The following CNTN3 variants were observed in gnomAD, a reference collection of about 807,000 sequenced individuals.
CNTN3 encodes the protein contactin 3.
In CNTN3, 60 loss-of-function variants were observed where a neutral mutation model predicts 119.1. The observed-to-expected ratio is 0.50, with a 90% confidence interval of 0.41 to 0.62. The LOEUF is 0.62. Ranked by LOEUF, CNTN3 falls within the 20% of genes least tolerant of loss-of-function variation. CNTN3 has a pLI of 0.00. For synonymous variants in CNTN3, 450 were observed against 438.7 expected, an observed-to-expected ratio of 1.03 and a Z score of -0.32; for missense variants, 1,101 against 1,242.4, an observed-to-expected ratio of 0.89 and a Z score of 1.71.
At chr3:74,562,483 T>C (rs774423851) in intron 1 of CNTN3, among the ~76,000 whole-genome samples, 43 of 152,312 alleles carry the variant, frequency 2.8e-4, no homozygotes, top group Non-Finnish European at 5.7e-4. Context: ...CAGAAAATGA[T>C]TATTGAAAAT....
chr3:74,375,453 C>A (rs1326163124), intron 5 of CNTN3, among the ~76,000 whole-genome samples: 1 of 152,026 alleles, frequency 6.6e-6, no homozygotes, highest in African/African-American at 2.4e-5. Flanking sequence ...TGCCTGAAAC[C>A]TGAAAATATG....
chr3:74,280,275 C>A (rs1559678125), intron 20 of CNTN3, among the ~76,000 whole-genome samples: 1 of 152,166 alleles, frequency 6.6e-6, no homozygotes, highest in Non-Finnish European at 1.5e-5. Flanking sequence ...TTTAGAAAAG[C>A]AAAGACTCAA....
intron 5 of CNTN3, among the ~76,000 whole-genome samples, chr3:74,416,987 TAA>T (rs71616861): frequency 1.5e-5 from 2 of 129,748 alleles, no homozygotes; most frequent in African/African-American, 3.0e-5. Flanking sequence ...CATTCTAAAA[TAA>T]AAAAAAAAAA....
At chr3:74,611,361 A>C (rs1372326063) in intron 1 of CNTN3, among the ~76,000 whole-genome samples, 1 of 152,180 alleles carries the variant, frequency 6.6e-6, no homozygotes, top group Non-Finnish European at 1.5e-5. Context: ...TAACATGTAC[A>C]TAAAAGGGGG....
At chr3:74,329,190 A>C (rs1703202086) in intron 13 of CNTN3, among the ~76,000 whole-genome samples, 1 of 152,182 alleles carries the variant, frequency 6.6e-6, no homozygotes, top group South Asian at 2.1e-4. Flanking sequence ...TGAGAGCTGA[A>C]AAATACATCA....
chr3:74,441,685 A>G (rs7430784), intron 4 of CNTN3, among the ~76,000 whole-genome samples: 68,672 of 152,000 alleles, frequency 0.45, 15,590 homozygotes, highest in East Asian at 0.57. Context: ...ACAAATCTAA[A>G]CATATGTCTG....
intron 4 of CNTN3, among the ~76,000 whole-genome samples, chr3:74,456,224 AATG>A (rs1702266214): frequency 9.2e-6 from 1 of 108,802 alleles, no homozygotes; most frequent in Non-Finnish European, 2.1e-5. Flanking sequence ...ATTATTTTTA[AATG>A]AAGAGCTATC....
At chr3:74,355,264 C>T (rs1703909346) in intron 11 of CNTN3, among the ~76,000 whole-genome samples, 1 of 152,090 alleles carries the variant, frequency 6.6e-6, no homozygotes, top group South Asian at 2.1e-4. Context: ...TCAAATCATG[C>T]CTCTAATCAA....
At chr3:74,268,910 T>C (rs913570759) in intron 20 of CNTN3, among the ~76,000 whole-genome samples, 2 of 151,970 alleles carry the variant, frequency 1.3e-5, no homozygotes, top group Non-Finnish European at 2.9e-5. Flanking sequence ...GTAATTTTGG[T>C]TAAATCACCT....
intron 5 of CNTN3, among the ~76,000 whole-genome samples, chr3:74,403,617 A>G (rs899992990): frequency 6.6e-6 from 1 of 152,132 alleles, no homozygotes; most frequent in East Asian, 1.9e-4. Context: ...ACTTACCACA[A>G]AGCAATTTGT....
intron 1 of CNTN3, among the ~76,000 whole-genome samples, chr3:74,562,310 A>G (rs1234526095): frequency 6.6e-6 from 1 of 152,226 alleles, no homozygotes; most frequent in Non-Finnish European, 1.5e-5. Flanking sequence ...TGTTATTTTC[A>G]TAATTTCCCA....
intron 5 of CNTN3, among the ~76,000 whole-genome samples, chr3:74,395,503 A>T (rs926841800): frequency 3.9e-5 from 6 of 152,136 alleles, no homozygotes; most frequent in African/African-American, 1.4e-4. Context: ...AGTATTTAGT[A>T]AAGGTTATAT....
chr3:74,390,369 C>CTTTTT (rs34399433), intron 5 of CNTN3, among the ~76,000 whole-genome samples: 1 of 123,270 alleles, frequency 8.1e-6, no homozygotes, highest in Admixed American at 8.1e-5. Flanking sequence ...TGAGAGTATG[C>CTTTTT]TTTTTTTTTT....
At chr3:74,605,897 T>C (rs1704983312) in intron 1 of CNTN3, among the ~76,000 whole-genome samples, 1 of 152,164 alleles carries the variant, frequency 6.6e-6, no homozygotes, top group Admixed American at 6.6e-5. Context: ...CCATGCAAAC[T>C]GCCAAGGAAG....
At chr3:74,320,283 G>C (rs1437648904) in intron 13 of CNTN3, among the ~76,000 whole-genome samples, 1 of 152,152 alleles carries the variant, frequency 6.6e-6, no homozygotes, top group Non-Finnish European at 1.5e-5. Context: ...GTCCAACAAC[G>C]ATAGACTGGA....
intron 14 of CNTN3, 100 bp from the exon 15 acceptor site, chr3:74,301,905 T>G: frequency 9.1e-6 from 12 of 1,320,814 alleles, no homozygotes; most frequent in Non-Finnish European, 1.3e-5. Context: ...TCAATATCTC[T>G]GACTTTTCCC....
intron 3 of CNTN3, among the ~76,000 whole-genome samples, chr3:74,487,027 T>A (rs1702872367): frequency 6.6e-6 from 1 of 152,292 alleles, no homozygotes; most frequent in Admixed American, 6.5e-5. Flanking sequence ...CTTTGATTTA[T>A]CCAGATTGAC....
chr3:74,488,209 C>T (rs1051007209), intron 3 of CNTN3, among the ~76,000 whole-genome samples: 19 of 151,856 alleles, frequency 1.3e-4, no homozygotes, highest in African/African-American at 4.4e-4. Context: ...GCCTCCTGAG[C>T]TCACGCCATT....
At chr3:74,585,018 C>A (rs1384238561) in intron 1 of CNTN3, among the ~76,000 whole-genome samples, 2 of 152,178 alleles carry the variant, frequency 1.3e-5, no homozygotes, top group African/African-American at 4.8e-5. Flanking sequence ...AGAAAGAAGT[C>A]TTTCCCTTTT....
Sources: allele counts gnomAD v4.1 joint callset (sites outside exome capture counted in the v4.1 genomes callset), GRCh38; gene constraint gnomAD v4.1.1; transcripts MANE v1.5; gene names NCBI Gene and HGNC (gene_info 2026-07-23, HGNC 2026-07-21).